The following SEMA4B variants were observed in gnomAD, a reference collection of about 807,000 sequenced individuals.
The protein encoded by SEMA4B is semaphorin 4B, also known as semaphorin-4B.
A neutral mutation model predicts 88.1 loss-of-function variants in SEMA4B; 55 were observed. The ratio of observed to expected loss-of-function variants is 0.62; its 90% CI spans 0.50 to 0.78. The LOEUF (loss-of-function observed/expected upper bound fraction) is 0.78. Ranked by LOEUF, SEMA4B falls within the 30% of genes least tolerant of loss-of-function variation. The pLI is 0.00. For synonymous variants in SEMA4B, 525 were observed against 473.6 expected (o/e 1.11, Z -1.41); for missense variants, 1,062 against 1,111.9 (o/e 0.96, Z 0.64).
At chr15:90,202,337 A>C (rs866331681) in intron 1 of SEMA4B, among the ~76,000 whole-genome samples, 2 of 151,584 alleles carry the variant, frequency 1.3e-5, no homozygotes, top group African/African-American at 4.9e-5. Flanking sequence ...CTGGGAGCGA[A>C]CAGACTGCGG....
At chr15:90,204,249 CCT>C (rs1168566873) in intron 1 of SEMA4B, among the ~76,000 whole-genome samples, 1 of 152,180 alleles carries the variant, frequency 6.6e-6, no homozygotes, top group African/African-American at 2.4e-5. Context: ...ATTACACACC[CCT>C]CTTTCCTCCT....
In SEMA4B at chr15:90,228,383, G is replaced by A; in HGVS notation, c.2254G>A (p.Glu752Lys). Residue 752 changes from glutamate (E) to lysine (K), a missense_variant, in exon 14 of 14, where the codon GAA becomes AAA. Physicochemically the swap from Glu to Lys is moderately conservative, Grantham distance 56. Coordinates refer to ENST00000411539, the MANE Select transcript of SEMA4B (RefSeq NM_198925.4). ...NSMKVFLKQG[E>K]CASVHPKTCP... ...CATGAAAGTCTTCCTGAAGCAGGGGGAATGTGCCAGCGTGCACCCCAAGAC... is the reference window on the plus strand; with the variant it reads ...CATGAAAGTCTTCCTGAAGCAGGGGAAATGTGCCAGCGTGCACCCCAAGAC... 2 of 1,599,284 alleles carry A rather than the reference G, an allele frequency of 1.3e-6. No homozygotes were observed. The highest frequency in any genetic ancestry group is 8.5e-7 in the Non-Finnish European group (1 of 1,172,380).
At chr15:90,221,912 A>C in intron 7 of SEMA4B, 147 bp downstream of exon 7, 1 of 663,208 alleles carries the variant, frequency 1.5e-6, no homozygotes, top group Non-Finnish European at 2.4e-6. Flanking sequence ...CTTTTAAATT[A>C]AAATATCTTA....
chr15:90,221,111 G>C lies in SEMA4B; in HGVS notation c.595+18G>C. Reference sequence around the variant, plus strand: ...GGTGGTTGGTGAGTGTTGAGGGCAGGATGGCTTCATTGAGGTTCCATGTAG... The same window carrying C: ...GGTGGTTGGTGAGTGTTGAGGGCAGCATGGCTTCATTGAGGTTCCATGTAG... On this transcript the variant is annotated intron_variant, in intron 5 of 13. Coordinates refer to ENST00000411539, the MANE Select transcript of SEMA4B (RefSeq NM_198925.4). 1 of 1,562,392 alleles carries C rather than the reference G, an allele frequency of 6.4e-7. No homozygotes were observed. Among genetic ancestry groups the C allele is most frequent in the Non-Finnish European group, 8.7e-7 (1 of 1,142,890 alleles).
chr15:90,198,399 A>G (rs1294856988), upstream of SEMA4B, among the ~76,000 whole-genome samples: 1 of 152,188 alleles, frequency 6.6e-6, no homozygotes, highest in East Asian at 1.9e-4. Flanking sequence ...ATTACTTAAC[A>G]AACCAAATAA....
chr15:90,218,126 C>T (rs114774976), intron 3 of SEMA4B, among the ~76,000 whole-genome samples: 3,279 of 152,298 alleles, frequency 0.022, 38 homozygotes, highest in African/African-American at 0.033. Context: ...TGTAAGGCAC[C>T]TGGCTCATAG....
In SEMA4B at chr15:90,223,993, G is replaced by A; in HGVS notation, c.1194+5G>A. On this transcript the variant is annotated splice_donor_5th_base_variant and intron_variant, in intron 9 of 13. Coordinates refer to ENST00000411539, the MANE Select transcript of SEMA4B (RefSeq NM_198925.4). The stretch of plus-strand genomic sequence containing the variant: ...CCCACACCCCGGCCTGGAGCGGTGG[G>A]TACTGGCTCCCTGCACCCAGAAGGG... 6.2e-7 allele frequency: 1 copy of A among 1,606,424 alleles called. No individual in the cohort carries two copies.
rs1323927901 is a variant in SEMA4B, at chr15:90,229,367, A to G, written c.*724A>G. 2.2e-6 allele frequency: 1 copy of G among 456,816 alleles called. No homozygotes were observed. The allele number at this position is 456,816 out of a possible 1,614,324, so 28.3% of individuals were successfully genotyped here. A position where few individuals can be genotyped will look rare whatever the true frequency, so the allele number is the denominator to read the frequency against. On this transcript the variant is annotated 3_prime_UTR_variant, in exon 14 of 14. Coordinates refer to ENST00000411539, the MANE Select transcript of SEMA4B (RefSeq NM_198925.4). ...TCGTGACAATGTACGCCTTTCCCTC[A>G]GAATTCAGGGAAGAGACTGTCGCCT... is the stretch of plus-strand genomic sequence containing the variant.
At chr15:90,191,562 G>T (rs187716217) in intron 1 of SEMA4B, among the ~76,000 whole-genome samples, 339 of 152,324 alleles carry the variant, frequency 2.2e-3, no homozygotes, top group Non-Finnish European at 3.3e-3. Context: ...AGAAGCTGAG[G>T]TTCAGAGTGA....
intron 7 of SEMA4B, among the ~76,000 whole-genome samples, chr15:90,223,119 C>T (rs1422464313): frequency 6.6e-6 from 1 of 152,034 alleles, no homozygotes; most frequent in Non-Finnish European, 1.5e-5. Context: ...GCATGCACCA[C>T]CATGCCCAGC....
chr15:90,189,098 G>A (rs962851903), intron 1 of SEMA4B, among the ~76,000 whole-genome samples: 5 of 152,000 alleles, frequency 3.3e-5, no homozygotes, highest in African/African-American at 9.7e-5. Context: ...AGAAATATGT[G>A]TTGCATGAAT....
At chr15:90,188,238 G>C (rs968467916) in intron 1 of SEMA4B, among the ~76,000 whole-genome samples, 2 of 152,148 alleles carry the variant, frequency 1.3e-5, no homozygotes, top group African/African-American at 4.8e-5. Flanking sequence ...AGGATCACCT[G>C]AGCCAAGGGA....
intron 1 of SEMA4B, chr15:90,206,965 T>A (rs1961021873): frequency 1.7e-6 from 1 of 573,614 alleles, no homozygotes; most frequent in Admixed American, 2.6e-5. Context: ...ATGCAAGAAA[T>A]GAAGAAAATA....
At chr15:90,194,025 T>C (rs1248824778) in intron 1 of SEMA4B, among the ~76,000 whole-genome samples, 1 of 151,856 alleles carries the variant, frequency 6.6e-6, no homozygotes, top group Non-Finnish European at 1.5e-5. Context: ...CTAATTTTCA[T>C]ATTTTTAGTA....
chr15:90,228,550 A>G lies in SEMA4B; in HGVS notation c.2421A>G (p.Pro807=), dbSNP rs1005448619. 40 of 1,612,966 alleles carry G rather than the reference A, an allele frequency of 2.5e-5. No homozygotes were observed. Among genetic ancestry groups the G allele is most frequent in the Non-Finnish European group, 3.2e-5 (38 of 1,179,526 alleles). The change falls in exon 14 of 14, where the codon CCA becomes CCG. Residue 807 remains proline, a synonymous_variant. Transcript: ENST00000411539. ...TCTTCACTGAGTCAGAGAAGAGGCC[A>G]CTCAGCATCCAAGACAGCTTCGTGG... is the stretch of plus-strand genomic sequence containing the variant. ...SRVFTESEKR[P]LSIQDSFVEV...
intron 1 of SEMA4B, among the ~76,000 whole-genome samples, chr15:90,195,156 A>G (rs544875743): frequency 6.6e-6 from 1 of 151,752 alleles, no homozygotes; most frequent in Non-Finnish European, 1.5e-5. Context: ...CTGGAGTGCA[A>G]CAGCATGGCT....
intron 1 of SEMA4B, among the ~76,000 whole-genome samples, chr15:90,185,808 C>G (rs1306635647): frequency 6.6e-6 from 1 of 152,118 alleles, no homozygotes; most frequent in Non-Finnish European, 1.5e-5. Context: ...TGGCCCATCC[C>G]CCCTCATTTT....
rs1344182137 is a variant in SEMA4B at position 90,223,683 on chromosome 15, G to C, written c.986G>C (p.Ser329Thr). 6.2e-7 allele frequency: 1 copy of C among 1,613,152 alleles called. No individual in the cohort carries two copies. The highest frequency in any genetic ancestry group is 1.3e-5 in the African/African-American group (1 of 74,928). ...FNVLQDVFTLSPSPQDWRDTL... is the reference protein window; with the variant it reads ...FNVLQDVFTLTPSPQDWRDTL... ...GTGCTGCAGGATGTCTTCACGCTGA[G>C]CCCCAGCCCCCAGGACTGGCGTGAC... The change falls in exon 8 of 14, where the codon AGC becomes ACC. Residue 329 changes from serine (S) to threonine (T), a missense_variant. Physicochemically the swap from Ser to Thr is moderately conservative, Grantham distance 58. Coordinates refer to ENST00000411539, the MANE Select transcript of SEMA4B (RefSeq NM_198925.4).
chr15:90,214,679 A>G (rs1198835120), intron 1 of SEMA4B, among the ~76,000 whole-genome samples: 1 of 148,528 alleles, frequency 6.7e-6, no homozygotes, highest in Non-Finnish European at 1.5e-5. Flanking sequence ...CAAATGGCTG[A>G]TATGTGTTCC....
Sources: gnomAD v4.1 joint callset for allele counts (sites outside exome capture counted in the v4.1 genomes callset) on GRCh38, gnomAD v4.1.1 for gene constraint, MANE v1.5 for transcripts, NCBI Gene and HGNC (gene_info 2026-07-23, HGNC 2026-07-21) for gene names.